ZNF471: variants seen among roughly 807,000 people sequenced by gnomAD.
ZNF471 encodes the protein EZFIT-related protein 1.
In ZNF471, 7 loss-of-function variants were observed where a neutral mutation model predicts 13.7. That is an observed-to-expected ratio of 0.51 (90% CI 0.29 to 0.96). The LOEUF (loss-of-function observed/expected upper bound fraction) is 0.96, where lower values mean the gene tolerates loss of function less well. Ranked by LOEUF, ZNF471 falls within the 40% of genes least tolerant of loss-of-function variation. The pLI is 0.08. For synonymous variants in ZNF471, 218 were observed against 235.6 expected (o/e 0.93, Z 0.68); for missense variants, 663 against 743.3 (o/e 0.89, Z 1.26).
Position 56,522,898 on chromosome 19 carries a change from C to T in ZNF471, c.257-1426C>T, listed in dbSNP as rs1173165983. ...ATTACAGGCAGGTGACACCATGCCC[C>T]GCTAATTTTGTGTTTTTAGTAGAGA... On this transcript the variant is annotated intron_variant, in intron 4 of 4. Transcript: ENST00000308031. This position sits in a 1 kb window ranked among gnomAD's most constrained non-coding sequence, Gnocchi z 4.1. Among the ~76,000 whole-genome samples the T allele has an allele frequency of 4.6e-5, 7 of 151,896 alleles. No homozygotes were observed. The highest frequency in any genetic ancestry group is 8.8e-5 in the Non-Finnish European group (6 of 67,952).
At position 56,510,706 on chromosome 19, in the gene ZNF471, T is replaced by C; in HGVS notation, c.-55-811T>C. 5 of 985,534 alleles carry C rather than the reference T, an allele frequency of 5.1e-6. No individual in the cohort carries two copies. Among genetic ancestry groups the C allele is most frequent in the Non-Finnish European group, 6.0e-6 (5 of 829,970 alleles). The allele number at this position is 985,534 out of a possible 1,614,324, so 61.0% of individuals were successfully genotyped here. ...TGTGGCCCTGTATGACTGCTGTGTA[T>C]GGAGAGACTACTTGGAAGATTGATA... On this transcript the variant is annotated intron_variant, in intron 1 of 4. Coordinates refer to ENST00000308031, the MANE Select transcript of ZNF471 (RefSeq NM_020813.4). The surrounding 1 kb of genome is among the most constrained non-coding windows in gnomAD (Gnocchi z 4.3).
Position 56,525,231 on chromosome 19 carries a change from A to G in ZNF471, c.1164A>G (p.Ile388Met). The G allele has an allele frequency of 6.2e-7, 1 of 1,614,136 alleles. No individual in the cohort carries two copies. The highest frequency in any genetic ancestry group is 1.1e-5 in the South Asian group (1 of 91,078). ...IDCGKAFSVH[I>M]GLILHRRIHT... ...GTGGGAAAGCCTTCAGTGTTCACAT[A>G]GGACTTATTCTGCATAGGAGAATTC... The change falls in exon 5 of 5, where the codon ATA (isoleucine) becomes ATG (methionine). Residue 388 changes from isoleucine to methionine, a missense_variant. Physicochemically the swap from Ile to Met is conservative, Grantham distance 10 (BLOSUM62 1). Transcript: ENST00000308031.
chr19:56,513,195 A>C (rs1225427161), intron 2 of ZNF471, among the ~76,000 whole-genome samples: 2 of 152,214 alleles, frequency 1.3e-5, no homozygotes, highest in African/African-American at 2.4e-5. Flanking sequence ...ATACTCCTGA[A>C]TAATGTTCCA....
Position 56,516,826 on chromosome 19 carries a change from T to C in ZNF471, c.160+425T>C, listed in dbSNP as rs1464579908. On this transcript the variant is annotated intron_variant, in intron 3 of 4. Coordinates refer to ENST00000308031, the MANE Select transcript of ZNF471 (RefSeq NM_020813.4). The surrounding 1 kb of genome is among the most constrained non-coding windows in gnomAD (Gnocchi z 4.4). ...AAACTGAAAATGGCTTCAGATCACTTACTGTTAGGGAAATTCCTATGGACC... is the reference window on the plus strand; with the variant it reads ...AAACTGAAAATGGCTTCAGATCACTCACTGTTAGGGAAATTCCTATGGACC... Among the ~76,000 whole-genome samples, 1 of 152,258 alleles carries C rather than the reference T, an allele frequency of 6.6e-6. No homozygotes were observed. The highest frequency in any genetic ancestry group is 2.4e-5 in the African/African-American group (1 of 41,478).
Position 56,525,041 on chromosome 19 carries a change from A to G in ZNF471, c.974A>G (p.Lys325Arg). 1 of 1,614,006 alleles carries G rather than the reference A, an allele frequency of 6.2e-7. No homozygotes were observed. Among genetic ancestry groups the G allele is most frequent in the South Asian group, 1.1e-5 (1 of 91,046 alleles). The change falls in exon 5 of 5, where the codon AAA becomes AGA. Residue 325 changes from lysine to arginine, a missense_variant. Coordinates refer to ENST00000308031, the MANE Select transcript of ZNF471 (RefSeq NM_020813.4). Reference sequence around the variant, plus strand: ...CCCTATGAATGTAAAGAATGTGGCAAAGCCTTCAGTGATGGCTCGTCTTTT... The same window carrying G: ...CCCTATGAATGTAAAGAATGTGGCAGAGCCTTCAGTGATGGCTCGTCTTTT... ...EKPYECKECG[K>R]AFSDGSSFAR... is the part of the protein sequence containing the mutation.
rs1645833142 is a variant in ZNF471 at position 56,528,490 on chromosome 19, ACCCT to A, written c.*2546_*2549del. ...GGTCTCAAACTCCTGTGCTCAAGTG[ACCCT>A]CCCACCTCATTCTCAAGTGGCTGCA... On this transcript the variant is annotated 3_prime_UTR_variant, in exon 5 of 5. Transcript: ENST00000308031. The A allele has an allele frequency of 6.6e-6, 1 of 152,084 alleles. No homozygotes were observed. The highest frequency in any genetic ancestry group is 2.4e-5 in the African/African-American group (1 of 41,392). The allele number at this position is 152,084 out of a possible 1,614,324, so 9.4% of individuals were successfully genotyped here. A position where few individuals can be genotyped will look rare whatever the true frequency, so the allele number is the denominator to read the frequency against.
Position 56,525,532 on chromosome 19 carries a change from T to G in ZNF471, c.1465T>G (p.Cys489Gly), listed in dbSNP as rs1225940830. ...RIHTGEKPYE[C>G]KECGKAFRIS... Reference sequence around the variant, plus strand: ...TCATACTGGTGAAAAACCCTATGAATGTAAAGAATGTGGAAAAGCTTTTAG... The same window carrying G: ...TCATACTGGTGAAAAACCCTATGAAGGTAAAGAATGTGGAAAAGCTTTTAG... The change falls in exon 5 of 5, where the codon TGT (cysteine) becomes GGT (glycine). Residue 489 changes from cysteine to glycine, a missense_variant. Physicochemically the swap from Cys to Gly is radical, Grantham distance 159. Coordinates refer to ENST00000308031, the MANE Select transcript of ZNF471 (RefSeq NM_020813.4). 1 of 1,614,080 alleles carries G rather than the reference T, an allele frequency of 6.2e-7. No individual in the cohort carries two copies. The highest frequency in any genetic ancestry group is 1.7e-5 in the Admixed American group (1 of 60,020).
intron 2 of ZNF471, among the ~76,000 whole-genome samples, chr19:56,515,907 A>G (rs945696442): frequency 6.6e-6 from 1 of 152,234 alleles, no homozygotes; most frequent in African/African-American, 2.4e-5. Flanking sequence ...CAGCTACATT[A>G]GTTCAATGCC....
At position 56,510,384 on chromosome 19, in the gene ZNF471, T is replaced by G; in HGVS notation, c.-55-1133T>G. On this transcript the variant is annotated intron_variant, in intron 1 of 4. Coordinates refer to ENST00000308031, the MANE Select transcript of ZNF471 (RefSeq NM_020813.4). The surrounding 1 kb of genome is among the most constrained non-coding windows in gnomAD (Gnocchi z 4.3). ...ACCAAAATGGGTGAGAAAGAAACTA[T>G]GTGAACCATGGTGTGTTATCCAAAA... 2 of 985,490 alleles carry G rather than the reference T, an allele frequency of 2.0e-6. No individual in the cohort carries two copies. Among genetic ancestry groups the G allele is most frequent in the Non-Finnish European group, 2.4e-6 (2 of 829,982 alleles). The allele number at this position is 985,490 out of a possible 1,614,324, so 61.0% of individuals were successfully genotyped here. A position where few individuals can be genotyped will look rare whatever the true frequency, so the allele number is the denominator to read the frequency against.
intron 3 of ZNF471, among the ~76,000 whole-genome samples, chr19:56,517,298 ATTTTTTT>A (rs57499065): frequency 1.2e-4 from 12 of 100,414 alleles, no homozygotes; most frequent in African/African-American, 4.2e-4. Flanking sequence ...CACCCAGCTA[ATTTTTTT>A]TTTTTTTTTT....
At chr19:56,517,203 G>A (rs1255587538) in intron 3 of ZNF471, among the ~76,000 whole-genome samples, 5 of 143,974 alleles carry the variant, frequency 3.5e-5, no homozygotes, top group East Asian at 2.0e-4. Flanking sequence ...GGGCAGTGGC[G>A]CAATCTTGGC....
chr19:56,516,874 C>T lies in ZNF471; in HGVS notation c.160+473C>T, dbSNP rs1476261011. Among the ~76,000 whole-genome samples the T allele has an allele frequency of 1.3e-5, 2 of 152,206 alleles. No individual in the cohort carries two copies. The highest frequency in any genetic ancestry group is 3.8e-4 in the East Asian group (2 of 5,198). On this transcript the variant is annotated intron_variant, in intron 3 of 4. Transcript: ENST00000308031. The surrounding 1 kb of genome is among the most constrained non-coding windows in gnomAD (Gnocchi z 4.4). ...ACCTTTCTTCTAAGCACTGGGGCCA[C>T]CCCATTGGCTAGATTAGCTTTCTGT... is the stretch of plus-strand genomic sequence containing the variant.
chr19:56,512,692 T>C (rs1264295387), intron 2 of ZNF471, among the ~76,000 whole-genome samples: 2 of 152,146 alleles, frequency 1.3e-5, no homozygotes, highest in Non-Finnish European at 2.9e-5. Context: ...AATCTTTTAA[T>C]TTTTAAATAT....
At chr19:56,511,727 C>G in intron 2 of ZNF471, 123 bp downstream of exon 2, 1 of 760,444 alleles carries the variant, frequency 1.3e-6, no homozygotes, top group East Asian at 2.7e-5. Flanking sequence ...CCACTTCTCT[C>G]AGGGGCCACT....
intron 4 of ZNF471, among the ~76,000 whole-genome samples, chr19:56,520,103 A>T (rs1568474086): frequency 6.6e-6 from 1 of 152,166 alleles, no homozygotes; most frequent in East Asian, 1.9e-4. Context: ...CCCTGCTTGG[A>T]TGTACTTTAT....
chr19:56,511,017 G>A (rs917737094), intron 1 of ZNF471: 24 of 985,524 alleles, frequency 2.4e-5, no homozygotes, highest in Non-Finnish European at 2.9e-5. Context: ...CAGGGATGCA[G>A]TGGTGGGGAT....
In ZNF471 at chr19:56,510,620, G is replaced by T. The variant is rs2043797238; in HGVS notation, c.-55-897G>T. ...CTTGTTTTGGGGTGCTTGTGATTGT[G>T]TCCTCCGTGTGACCATGAAACCTGT... is the stretch of plus-strand genomic sequence containing the variant. On this transcript the variant is annotated intron_variant, in intron 1 of 4. Coordinates refer to ENST00000308031, the MANE Select transcript of ZNF471 (RefSeq NM_020813.4). The surrounding 1 kb of genome is among the most constrained non-coding windows in gnomAD (Gnocchi z 4.3). 8 of 985,612 alleles carry T rather than the reference G, an allele frequency of 8.1e-6. No individual in the cohort carries two copies. Among genetic ancestry groups the T allele is most frequent in the Non-Finnish European group, 8.4e-6 (7 of 830,056 alleles). 61.1% of individuals were successfully genotyped at this position (985,612 alleles called of 1,614,324 possible). A position where few individuals can be genotyped will look rare whatever the true frequency, so the allele number is the denominator to read the frequency against.
Position 56,525,707 on chromosome 19 carries a change from A to C in ZNF471, c.1640A>C (p.Glu547Ala), listed in dbSNP as rs1487834676. The C allele has an allele frequency of 3.1e-6, 5 of 1,613,912 alleles. No individual in the cohort carries two copies. The South Asian group carries it at 5.5e-5, about 18-fold the overall frequency. ...HTGEKPYECN[E>A]CGKAFSQTSN... ...GGAGAGAAACCTTATGAGTGTAATGAATGCGGGAAAGCCTTCAGCCAAACT... is the reference window on the plus strand; with the variant it reads ...GGAGAGAAACCTTATGAGTGTAATGCATGCGGGAAAGCCTTCAGCCAAACT... The change falls in exon 5 of 5, where the codon GAA becomes GCA. Residue 547 changes from glutamate (E) to alanine (A), a missense_variant. Coordinates refer to ENST00000308031, the MANE Select transcript of ZNF471 (RefSeq NM_020813.4).
chr19:56,524,871 G>A lies in ZNF471; in HGVS notation c.804G>A (p.Arg268=). Reference sequence around the variant, plus strand: ...AACTCTTTGAATGTAAAGAATGTAGGAAAGCCTTCAAACAAAGTGAACACC... The same window carrying A: ...AACTCTTTGAATGTAAAGAATGTAGAAAAGCCTTCAAACAAAGTGAACACC... ...GEKLFECKEC[R]KAFKQSEHLI... The change falls in exon 5 of 5, where the codon AGG becomes AGA. Residue 268 remains arginine, a synonymous_variant. Coordinates refer to ENST00000308031, the MANE Select transcript of ZNF471 (RefSeq NM_020813.4). The surrounding 1 kb of genome is among the most constrained non-coding windows in gnomAD (Gnocchi z 4.8). 1.9e-6 allele frequency: 3 copies of A among 1,610,752 alleles called. No homozygotes were observed. Among genetic ancestry groups the A allele is most frequent in the Non-Finnish European group, 2.5e-6 (3 of 1,178,480 alleles).
Sources: allele counts gnomAD v4.1 joint callset (sites outside exome capture counted in the v4.1 genomes callset), GRCh38; gene constraint gnomAD v4.1.1; non-coding constraint Gnocchi (gnomAD v3.1); transcripts MANE v1.5; gene names NCBI Gene and HGNC (gene_info 2026-07-23, HGNC 2026-07-21).